SNRK: variants seen among roughly 807,000 people sequenced by gnomAD.
The protein encoded by SNRK is SNF-related serine/threonine-protein kinase.
A neutral mutation model predicts 48.2 loss-of-function variants in SNRK; 3 were observed. The observed-to-expected ratio is 0.06, with a 90% CI of 0.03 to 0.16. The LOEUF (loss-of-function observed/expected upper bound fraction) is 0.16. SNRK is among the 10% of genes least tolerant of loss of function. The pLI is 1.00. For missense variants in SNRK, 627 were observed against 976.0 expected, an observed-to-expected ratio of 0.64 and a Z score of 4.76; for synonymous variants, 376 against 366.1, an observed-to-expected ratio of 1.03 and a Z score of -0.31.
At position 43,294,254 on chromosome 3, in the gene SNRK, T is replaced by C. The variant is rs573062194; in HGVS notation, c.-168-5500T>C. Among the ~76,000 whole-genome samples the C allele has an allele frequency of 4.1e-4, 62 of 152,318 alleles. No homozygotes were observed. In the East Asian group the frequency reaches 0.011, roughly 28 times the overall value. ...GCTTTTGAGACAGATTGAGTATCTC[T>C]TGTCTAAAATGCCTAGCATCAGAAG... is the stretch of plus-strand genomic sequence containing the variant. On this transcript the variant is annotated intron_variant, in intron 1 of 6. Coordinates refer to ENST00000296088, the MANE Select transcript of SNRK (RefSeq NM_017719.5).
intron 3 of SNRK, among the ~76,000 whole-genome samples, chr3:43,329,554 T>C (rs1007933490): frequency 3.3e-5 from 5 of 152,234 alleles, no homozygotes; most frequent in African/African-American, 1.2e-4. Context: ...CTGCTGTTCT[T>C]TTCTAGTTTA....
chr3:43,312,432 C>G (rs760152034), intron 3 of SNRK, among the ~76,000 whole-genome samples: 1 of 151,986 alleles, frequency 6.6e-6, no homozygotes, highest in Non-Finnish European at 1.5e-5. Flanking sequence ...GTATTTTGTC[C>G]TACATTAAAA....
chr3:43,349,578 G>A lies in SNRK; in HGVS notation c.*1021G>A, dbSNP rs1419939882. On this transcript the variant is annotated 3_prime_UTR_variant, in exon 7 of 7. Transcript: ENST00000296088. ...TTTGGCTCAGCTAGCTTTGAAATTG[G>A]CTGATGAAAAAATATACATAAAAGG... 1 of 152,122 alleles carries A rather than the reference G, an allele frequency of 6.6e-6. No individual in the cohort carries two copies. Among genetic ancestry groups the A allele is most frequent in the African/African-American group, 2.4e-5 (1 of 41,420 alleles). The allele number at this position is 152,122 out of a possible 1,614,324, so 9.4% of individuals were successfully genotyped here. A position where few individuals can be genotyped will look rare whatever the true frequency, so the allele number is the denominator to read the frequency against.
chr3:43,294,326 G>A (rs558870634), intron 1 of SNRK, among the ~76,000 whole-genome samples: 4 of 152,128 alleles, frequency 2.6e-5, no homozygotes, highest in Non-Finnish European at 2.9e-5. Context: ...TATACATAAT[G>A]ATGGGACCCA....
chr3:43,303,143 A>G lies in SNRK; in HGVS notation c.-61A>G. 1 of 1,210,646 alleles carries G rather than the reference A, an allele frequency of 8.3e-7. No individual in the cohort carries two copies. The highest frequency in any genetic ancestry group is 2.4e-5 in the East Asian group (1 of 42,322). The allele number at this position is 1,210,646 out of a possible 1,614,324, so 75.0% of individuals were successfully genotyped here. A position where few individuals can be genotyped will look rare whatever the true frequency, so the allele number is the denominator to read the frequency against. On this transcript the variant is annotated 5_prime_UTR_variant, in exon 3 of 7. The change creates a new upstream start codon in the 5' untranslated region. Transcript: ENST00000296088. The surrounding 1 kb of genome is among the most constrained non-coding windows in gnomAD (Gnocchi z 6.2). ...AATGAATTTTTTGTATTCACCAGATATTCTTATATGAGAAGATCTATTTTA... is the reference window on the plus strand; with the variant it reads ...AATGAATTTTTTGTATTCACCAGATGTTCTTATATGAGAAGATCTATTTTA...
chr3:43,308,418 C>T (rs2090954518), intron 3 of SNRK, among the ~76,000 whole-genome samples: 1 of 152,164 alleles, frequency 6.6e-6, no homozygotes, highest in African/African-American at 2.4e-5. Context: ...CCTCAAAAGG[C>T]AGGCTGACAC....
chr3:43,332,006 C>T (rs186723868), intron 3 of SNRK, among the ~76,000 whole-genome samples, 163 bp from the exon 4 acceptor site: 15 of 152,320 alleles, frequency 9.8e-5, no homozygotes, highest in African/African-American at 3.1e-4. Flanking sequence ...AGAAGATAGA[C>T]ACCTTCCCTG....
chr3:43,316,982 A>G (rs1456399314), intron 3 of SNRK, among the ~76,000 whole-genome samples: 1 of 152,040 alleles, frequency 6.6e-6, no homozygotes, highest in African/African-American at 2.4e-5. Context: ...AAGGGCTCTT[A>G]GTGCTTTTAA....
chr3:43,299,039 G>A (rs1310814800), intron 1 of SNRK, among the ~76,000 whole-genome samples: 1 of 152,134 alleles, frequency 6.6e-6, no homozygotes, highest in African/African-American at 2.4e-5. Context: ...GAGCATGATT[G>A]GAGCTAGAGA....
intron 2 of SNRK, among the ~76,000 whole-genome samples, chr3:43,302,638 ATTTTT>A (rs200971249): frequency 2.2e-5 from 3 of 133,698 alleles, no homozygotes; most frequent in East Asian, 2.2e-4. Flanking sequence ...CACAGAATGG[ATTTTT>A]TTTTTTTTTT....
At chr3:43,343,106 TTCTC>T in intron 5 of SNRK, 1 of 423,014 alleles carries the variant, frequency 2.4e-6, no homozygotes, top group Non-Finnish European at 4.1e-6. Flanking sequence ...TTTTGGATTT[TTCTC>T]TCATTTACGA....
chr3:43,318,626 C>G (rs1202135747), intron 3 of SNRK, among the ~76,000 whole-genome samples: 1 of 151,378 alleles, frequency 6.6e-6, no homozygotes, highest in African/African-American at 2.4e-5. Context: ...ACAAAAAAAT[C>G]AGCATTAGAG....
intron 3 of SNRK, among the ~76,000 whole-genome samples, chr3:43,319,007 G>A (rs914233029): frequency 1.1e-4 from 16 of 148,152 alleles, no homozygotes; most frequent in African/African-American, 3.8e-4. Context: ...CAGCCTGGGC[G>A]ACAAAGCGAG....
chr3:43,339,716 T>A (rs1414236661), intron 4 of SNRK, among the ~76,000 whole-genome samples: 1 of 150,132 alleles, frequency 6.7e-6, no homozygotes, highest in African/African-American at 2.4e-5. Context: ...CTCAGGAGGC[T>A]GAGGCAGGAG....
chr3:43,327,118 C>T (rs932910537), intron 3 of SNRK, among the ~76,000 whole-genome samples: 17 of 152,150 alleles, frequency 1.1e-4, no homozygotes, highest in Admixed American at 2.0e-4. Context: ...TCTTGTTTTA[C>T]AAGAAAGAAT....
chr3:43,337,560 C>T (rs2091201141), intron 4 of SNRK, among the ~76,000 whole-genome samples: 1 of 151,576 alleles, frequency 6.6e-6, no homozygotes, highest in Admixed American at 6.6e-5. Context: ...CCACACCTGG[C>T]TAATTTTTTT....
intron 3 of SNRK, among the ~76,000 whole-genome samples, chr3:43,310,964 C>T (rs1201782933): frequency 6.6e-6 from 1 of 152,036 alleles, no homozygotes; most frequent in Non-Finnish European, 1.5e-5. Context: ...GTTTGTTCAT[C>T]TCTGTTTTTG....
At chr3:43,320,700 TTTTAA>T (rs770365108) in intron 3 of SNRK, among the ~76,000 whole-genome samples, 2 of 152,016 alleles carry the variant, frequency 1.3e-5, no homozygotes, top group Non-Finnish European at 2.9e-5. Context: ...ATTTTCAGAG[TTTTAA>T]TAAGATATTC....
chr3:43,341,146 T>C, intron 5 of SNRK, among the ~76,000 whole-genome samples: 1 of 151,940 alleles, frequency 6.6e-6, no homozygotes, highest in Admixed American at 6.6e-5. Flanking sequence ...CCAGTTGTTT[T>C]TTTGTTTTTG....
Sources: allele counts gnomAD v4.1 joint callset (sites outside exome capture counted in the v4.1 genomes callset), GRCh38; gene constraint gnomAD v4.1.1; non-coding constraint Gnocchi (gnomAD v3.1); transcripts MANE v1.5; gene names NCBI Gene and HGNC (gene_info 2026-07-23, HGNC 2026-07-21).